Variants in VAV3 observed in about 807,000 individuals in gnomAD.
VAV3 encodes the protein guanine nucleotide exchange factor VAV3.
Under a neutral mutation model 131.2 loss-of-function variants are expected in VAV3, and 94 were observed. The ratio of observed to expected loss-of-function variants is 0.72; its 90% CI spans 0.61 to 0.85. The LOEUF (loss-of-function observed/expected upper bound fraction) is 0.85. VAV3 is among the 40% of genes least tolerant of loss of function. VAV3 has a pLI of 0.00. For missense variants in VAV3, 939 were observed against 1,002.7 expected, an observed-to-expected ratio of 0.94 and a Z score of 0.86; for synonymous variants, 349 against 342.0, an observed-to-expected ratio of 1.02 and a Z score of -0.22.
intron 9 of VAV3, among the ~76,000 whole-genome samples, chr1:107,762,520 G>A (rs2102139296): frequency 6.6e-6 from 1 of 152,186 alleles, no homozygotes; most frequent in South Asian, 2.1e-4. Context: ...CTGGATCATG[G>A]GTCTCAAACA....
intron 2 of VAV3, among the ~76,000 whole-genome samples, chr1:107,857,315 A>G (rs936097329): frequency 1.3e-5 from 2 of 152,158 alleles, no homozygotes; most frequent in East Asian, 3.9e-4. Flanking sequence ...CAAGCTTTTC[A>G]GCTTTGGCAT....
chr1:107,915,712 G>A (rs1312419755), intron 1 of VAV3, among the ~76,000 whole-genome samples: 19 of 152,176 alleles, frequency 1.2e-4, no homozygotes, highest in Admixed American at 1.2e-3. Flanking sequence ...TGCAAACCCA[G>A]AGCCTAGCTC....
intron 2 of VAV3, among the ~76,000 whole-genome samples, chr1:107,866,822 C>CAAAAAAAAAAAAAAA (rs66866060): frequency 8.4e-5 from 5 of 59,202 alleles, no homozygotes; most frequent in African/African-American, 4.1e-4. Flanking sequence ...GACTCCATCT[C>CAAAAAAAAAAAAAAA]AAAAAAAAAA....
Position 107,725,174 on chromosome 1 carries a change from A to C in VAV3, c.1503-20113T>G, listed in dbSNP as rs184907206. ...TAGAGAGGTCACTCTTACAACAGTC[A>C]GTTGGGAGTCAGGTGGCTACAATGG... On this transcript the variant is annotated intron_variant, in intron 15 of 26. Transcript: ENST00000370056. Among the ~76,000 whole-genome samples, 148 of 152,316 alleles carry C rather than the reference A, an allele frequency of 9.7e-4. 1 individual carries two copies. Among genetic ancestry groups the C allele is most frequent in the Admixed American group, 2.5e-3 (38 of 15,292 alleles).
At chr1:107,606,958 C>CA (rs11462358) in intron 22 of VAV3, among the ~76,000 whole-genome samples, 52,206 of 144,530 alleles carry the variant, frequency 0.36, 9,545 homozygotes, top group Middle Eastern at 0.42. Context: ...GGAGTCTGAT[C>CA]TTTTTTTTTT....
intron 17 of VAV3, among the ~76,000 whole-genome samples, chr1:107,703,708 C>A (rs1396223973): frequency 6.6e-6 from 1 of 152,186 alleles, no homozygotes; most frequent in Non-Finnish European, 1.5e-5. Flanking sequence ...TCCACCTTTT[C>A]CTTTGGGAAA....
Position 107,847,689 on chromosome 1 carries a change from G to A in VAV3, c.321+27212C>T, listed in dbSNP as rs561673678. Reference sequence around the variant, plus strand: ...ATGAAGAAGAAATGGGTAAATTTCTGGAAACATACACCCTCCCAAGACTAA... The same window carrying A: ...ATGAAGAAGAAATGGGTAAATTTCTAGAAACATACACCCTCCCAAGACTAA... On this transcript the variant is annotated intron_variant, in intron 2 of 26. Coordinates refer to ENST00000370056, the MANE Select transcript of VAV3 (RefSeq NM_006113.5). Among the ~76,000 whole-genome samples, 7 of 152,180 alleles carry A rather than the reference G, an allele frequency of 4.6e-5. No individual in the cohort carries two copies. In the South Asian group the frequency reaches 1.2e-3, roughly 27 times the overall value.
intron 1 of VAV3, among the ~76,000 whole-genome samples, chr1:107,919,798 C>T (rs1397393750): frequency 6.6e-6 from 1 of 151,630 alleles, no homozygotes; most frequent in Non-Finnish European, 1.5e-5. Context: ...TCACCATAAA[C>T]CATGTGGTAT....
chr1:107,798,278 C>G (rs1293320850), intron 2 of VAV3, among the ~76,000 whole-genome samples: 1 of 152,264 alleles, frequency 6.6e-6, no homozygotes, highest in East Asian at 1.9e-4. Flanking sequence ...TTCCCCCACT[C>G]TGTACAAAGG....
chr1:107,871,493 T>G (rs1192002733), intron 2 of VAV3, among the ~76,000 whole-genome samples: 1 of 147,876 alleles, frequency 6.8e-6, no homozygotes, highest in Admixed American at 6.9e-5. Context: ...TCACTCCTCT[T>G]TCCTGTGTGA....
chr1:107,728,258 A>T (rs1366658993), intron 15 of VAV3, among the ~76,000 whole-genome samples: 9 of 152,126 alleles, frequency 5.9e-5, no homozygotes, highest in Admixed American at 5.9e-4. Context: ...AGGGAAAGGT[A>T]CTCACTAACA....
At chr1:107,830,170 A>C (rs1041746635) in intron 2 of VAV3, among the ~76,000 whole-genome samples, 1 of 152,090 alleles carries the variant, frequency 6.6e-6, no homozygotes, top group Non-Finnish European at 1.5e-5. Flanking sequence ...TGCACATAAG[A>C]TCATGCACTA....
Position 107,781,555 on chromosome 1 carries a change from G to T in VAV3, c.322-2063C>A, listed in dbSNP as rs148802389. Reference sequence around the variant, plus strand: ...AATTTTTAAAAAATTAAGAAAATTTGTTACATAAACAAAAGAGAAGGGAGC... The same window carrying T: ...AATTTTTAAAAAATTAAGAAAATTTTTTACATAAACAAAAGAGAAGGGAGC... On this transcript the variant is annotated intron_variant, in intron 2 of 26. Coordinates refer to ENST00000370056, the MANE Select transcript of VAV3 (RefSeq NM_006113.5). Among the ~76,000 whole-genome samples, 1,127 of 152,106 alleles carry T rather than the reference G, an allele frequency of 7.4e-3. 8 individuals carry two copies. The highest frequency in any genetic ancestry group is 0.011 in the Admixed American group (165 of 15,268).
chr1:107,582,546 A>G (rs1369744484), intron 25 of VAV3, among the ~76,000 whole-genome samples: 6 of 144,252 alleles, frequency 4.2e-5, no homozygotes, highest in South Asian at 2.5e-4. Context: ...ATATCTCCCA[A>G]TGCTATCCCT....
intron 6 of VAV3, 89 bp from the exon 7 acceptor site, chr1:107,768,598 T>G: frequency 4.5e-6 from 5 of 1,110,116 alleles, no homozygotes. Context: ...CAAATACGTT[T>G]TGAAAGTCAA....
chr1:107,849,597 A>G lies in VAV3; in HGVS notation c.321+25304T>C, dbSNP rs111499251. ...ATTAAGATGGATTAAAGACTTAAAC[A>G]TAAGACCTAAAACCATAAAAACCCT... On this transcript the variant is annotated intron_variant, in intron 2 of 26. Transcript: ENST00000370056. Among the ~76,000 whole-genome samples the G allele has an allele frequency of 8.6e-4, 131 of 152,216 alleles. 1 individual carries two copies. Among genetic ancestry groups the G allele is most frequent in the African/African-American group, 3.0e-3 (126 of 41,528 alleles).
chr1:107,811,458 C>T (rs1667313810), intron 2 of VAV3, among the ~76,000 whole-genome samples: 1 of 152,136 alleles, frequency 6.6e-6, no homozygotes, highest in Non-Finnish European at 1.5e-5. Flanking sequence ...AAAAATCTGG[C>T]TAGGCATTAA....
intron 2 of VAV3, among the ~76,000 whole-genome samples, chr1:107,831,766 T>A (rs2102390266): frequency 6.6e-6 from 1 of 152,326 alleles, no homozygotes; most frequent in South Asian, 2.1e-4. Context: ...TGCTAGTATA[T>A]AATAGACTCA....
chr1:107,680,547 AC>A (rs1277191622), intron 19 of VAV3, among the ~76,000 whole-genome samples: 1 of 152,070 alleles, frequency 6.6e-6, no homozygotes, highest in Non-Finnish European at 1.5e-5. Flanking sequence ...AGAGTACTTT[AC>A]TTGCTCTTTT....
Sources: gnomAD v4.1 joint callset for allele counts (sites outside exome capture counted in the v4.1 genomes callset) on GRCh38, gnomAD v4.1.1 for gene constraint, MANE v1.5 for transcripts, NCBI Gene and HGNC (gene_info 2026-07-23, HGNC 2026-07-21) for gene names.